The following OPA3 variants were observed in gnomAD, a reference collection of about 807,000 sequenced individuals.
OPA3 encodes optic atrophy 3 protein.
In OPA3, 6 loss-of-function variants were observed where a neutral mutation model predicts 4.0. The ratio of observed to expected loss-of-function variants is 1.51; its 90% CI spans 0.83 to 2.99. OPA3 has a LOEUF of 2.99. Ranked by LOEUF, OPA3 falls within the 30% of genes most tolerant of loss-of-function variation. The pLI is 0.00. For synonymous variants in OPA3, 105 were observed against 117.1 expected (o/e 0.90, Z 0.67); for missense variants, 235 against 256.2 (o/e 0.92, Z 0.56).
At chr19:45,530,515 GT>G (rs150103058) in intron 1 of OPA3, among the ~76,000 whole-genome samples, 20 of 150,524 alleles carry the variant, frequency 1.3e-4, no homozygotes, top group East Asian at 5.9e-4. Flanking sequence ...TGTATGTATG[GT>G]TTTTTTTTAT....
downstream of OPA3, among the ~76,000 whole-genome samples, chr19:45,545,786 C>T (rs149477240): frequency 0.035 from 5,030 of 143,780 alleles, 257 homozygotes; most frequent in African/African-American, 0.12. Flanking sequence ...GATCTTGGCT[C>T]ACTGCAACCT....
chr19:45,568,929 G>A (rs1234031270), intron 1 of OPA3, among the ~76,000 whole-genome samples: 3 of 152,144 alleles, frequency 2.0e-5, no homozygotes, highest in Admixed American at 2.0e-4. Flanking sequence ...ATGAGAGCAA[G>A]GATCTTTGTT....
intron 1 of OPA3, among the ~76,000 whole-genome samples, chr19:45,530,088 T>C (rs551090390): frequency 1.3e-5 from 2 of 152,306 alleles, no homozygotes; most frequent in East Asian, 3.9e-4. Context: ...GCGCGGTGGC[T>C]CATGCCTGTA....
At chr19:45,563,494 A>C (rs1969536235) in intron 1 of OPA3, among the ~76,000 whole-genome samples, 1 of 151,764 alleles carries the variant, frequency 6.6e-6, no homozygotes, top group African/African-American at 2.4e-5. Flanking sequence ...AGACCCTCTG[A>C]CACTATAATC....
In OPA3 at chr19:45,584,309, G is replaced by T. The variant is rs1428488218; in HGVS notation, c.142+314C>A. On this transcript the variant is annotated intron_variant, in intron 1 of 1. Coordinates refer to ENST00000263275, the MANE Select transcript of OPA3 (RefSeq NM_025136.4). ...CCCCTCCCCTAGCTCCTCTATCCTG[G>T]AAAGCCCCGTCCAAATTTCTCCCAT... 3.1e-6 allele frequency: 3 copies of T among 983,284 alleles called. No homozygotes were observed. In the African/African-American group the frequency reaches 5.2e-5, roughly 17 times the overall value. The allele number at this position is 983,284 out of a possible 1,614,324, so 60.9% of individuals were successfully genotyped here.
chr19:45,543,086 T>G (rs1250233450), downstream of OPA3, among the ~76,000 whole-genome samples: 1 of 151,910 alleles, frequency 6.6e-6, no homozygotes, highest in Non-Finnish European at 1.5e-5. Context: ...CTCGGCTCAC[T>G]GCAACCTCCA....
At chr19:45,534,174 A>G (rs1969090178) in intron 1 of OPA3, among the ~76,000 whole-genome samples, 1 of 152,240 alleles carries the variant, frequency 6.6e-6, no homozygotes, top group African/African-American at 2.4e-5. Context: ...CCTCCTGAAA[A>G]TACAACTGCC....
chr19:45,549,816 G>T lies in OPA3; in HGVS notation c.*3698C>A. The T allele has an allele frequency of 1.0e-6, 1 of 985,496 alleles. No homozygotes were observed. The highest frequency in any genetic ancestry group is 1.2e-6 in the Non-Finnish European group (1 of 830,084). 61.0% of individuals were successfully genotyped at this position (985,496 alleles called of 1,614,324 possible). A position where few individuals can be genotyped will look rare whatever the true frequency, so the allele number is the denominator to read the frequency against. ...ACACAGCCCACTCAGGACCCACTCG[G>T]TCAGTTCCCTCTGCTCCAGCTTCTC... is the stretch of plus-strand genomic sequence containing the variant. On this transcript the variant is annotated 3_prime_UTR_variant, in exon 2 of 2. Coordinates refer to ENST00000263275, the MANE Select transcript of OPA3 (RefSeq NM_025136.4).
At chr19:45,542,238 G>C (rs531879123), downstream of OPA3, among the ~76,000 whole-genome samples, 1 of 148,802 alleles carries the variant, frequency 6.7e-6, no homozygotes, top group African/African-American at 2.5e-5. Flanking sequence ...TGGCAGAGCT[G>C]CAACAGCCTG....
chr19:45,543,804 C>G (rs1969214574), downstream of OPA3, among the ~76,000 whole-genome samples: 1 of 152,116 alleles, frequency 6.6e-6, no homozygotes, highest in Admixed American at 6.6e-5. Context: ...AACTCGTTCA[C>G]TCAATATCAT....
At chr19:45,582,539 G>C (rs1419082263) in intron 1 of OPA3, among the ~76,000 whole-genome samples, 1 of 151,890 alleles carries the variant, frequency 6.6e-6, no homozygotes, top group East Asian at 1.9e-4. Flanking sequence ...GTAGTGGTGC[G>C]ATCTCGGTGG....
Position 45,551,030 on chromosome 19 carries a change from G to T in OPA3, c.*2484C>A. The T allele has an allele frequency of 1.1e-6, 1 of 872,246 alleles. No homozygotes were observed. Among genetic ancestry groups the T allele is most frequent in the Non-Finnish European group, 1.4e-6 (1 of 726,962 alleles). 54.0% of individuals were successfully genotyped at this position (872,246 alleles called of 1,614,324 possible). A position where few individuals can be genotyped will look rare whatever the true frequency, so the allele number is the denominator to read the frequency against. On this transcript the variant is annotated 3_prime_UTR_variant, in exon 2 of 2. Coordinates refer to ENST00000263275, the MANE Select transcript of OPA3 (RefSeq NM_025136.4). ...GGCTGGAGTGTAGTGGCGCGATCAC[G>T]GCTCGCTGCAGCCTCGACCTCCAGG...
chr19:45,558,764 C>T (rs1327330847), intron 1 of OPA3, among the ~76,000 whole-genome samples: 3 of 151,778 alleles, frequency 2.0e-5, no homozygotes, highest in Non-Finnish European at 4.4e-5. Context: ...TCGCTTTGTC[C>T]CCAAGGCTGG....
At chr19:45,579,454 C>A (rs1969814444) in intron 1 of OPA3, among the ~76,000 whole-genome samples, 2 of 152,046 alleles carry the variant, frequency 1.3e-5, no homozygotes, top group South Asian at 4.1e-4. Context: ...CTCCTGACCT[C>A]AAGTGATGCA....
In OPA3 at chr19:45,548,663, T is replaced by G. The variant is rs1359289349; in HGVS notation, c.*4851A>C. On this transcript the variant is annotated 3_prime_UTR_variant, in exon 2 of 2. Transcript: ENST00000263275. Reference sequence around the variant, plus strand: ...GAGTTTTGTGTTTTATTTTTTTTATTTTTTTTTTTTTTGCGGGAGACGCCC... The same window carrying G: ...GAGTTTTGTGTTTTATTTTTTTTATGTTTTTTTTTTTTGCGGGAGACGCCC... 196 of 75,668 alleles carry G rather than the reference T, an allele frequency of 2.6e-3. No homozygotes were observed. The African/African-American group carries it at 0.051, about 20-fold the overall frequency. 4.7% of individuals were successfully genotyped at this position (75,668 alleles called of 1,614,324 possible). A position where few individuals can be genotyped will look rare whatever the true frequency, so the allele number is the denominator to read the frequency against.
At chr19:45,535,900 G>C (rs2122383746) in intron 1 of OPA3, among the ~76,000 whole-genome samples, 2 of 151,600 alleles carry the variant, frequency 1.3e-5, no homozygotes, top group South Asian at 4.2e-4. Context: ...GAGTAGCTGG[G>C]ACTAAAGGTG....
At chr19:45,568,268 C>A (rs547522057) in intron 1 of OPA3, among the ~76,000 whole-genome samples, 1 of 152,152 alleles carries the variant, frequency 6.6e-6, no homozygotes, top group South Asian at 2.1e-4. Context: ...CGGCTCACTG[C>A]AACCTCTGCC....
chr19:45,569,635 G>GT (rs1969632554), intron 1 of OPA3, among the ~76,000 whole-genome samples: 1 of 152,102 alleles, frequency 6.6e-6, no homozygotes, highest in East Asian at 1.9e-4. Flanking sequence ...CCCGGTTGTG[G>GT]TAAGCTGGCA....
chr19:45,565,991 A>G (rs906337181), intron 1 of OPA3, among the ~76,000 whole-genome samples: 43 of 152,202 alleles, frequency 2.8e-4, no homozygotes, highest in Non-Finnish European at 6.0e-4. Context: ...AAAGACATAC[A>G]AGAAAATAAA....
Sources: allele counts gnomAD v4.1 joint callset (sites outside exome capture counted in the v4.1 genomes callset), GRCh38; gene constraint gnomAD v4.1.1; transcripts MANE v1.5; gene names NCBI Gene and HGNC (gene_info 2026-07-23, HGNC 2026-07-21).